MAF: variants seen among roughly 807,000 people sequenced by gnomAD.
MAF encodes the protein MAF bZIP transcription factor, also known as transcription factor Maf.
In MAF, 10 loss-of-function variants were observed where a neutral mutation model predicts 22.0. The observed-to-expected ratio is 0.45, with a 90% confidence interval of 0.28 to 0.77. The LOEUF is 0.77. Ranked by LOEUF, MAF falls within the 30% of genes least tolerant of loss-of-function variation. MAF has a pLI of 0.12. For missense variants in MAF, 544 were observed against 548.4 expected, an observed-to-expected ratio of 0.99 and a Z score of 0.08; for synonymous variants, 337 against 255.8, an observed-to-expected ratio of 1.32 and a Z score of -3.03.
chr16:79,546,406 G>A, the MAF span, among the ~76,000 whole-genome samples: 3 of 152,234 alleles, frequency 2.0e-5, no homozygotes, highest in African/African-American at 7.2e-5. Context: ...ATGAATGAGT[G>A]ACTTGGGCTG....
the MAF span, among the ~76,000 whole-genome samples, chr16:79,462,711 A>G: frequency 6.6e-6 from 1 of 152,128 alleles, no homozygotes; most frequent in Non-Finnish European, 1.5e-5. Context: ...TTAACATTTC[A>G]TTTCCTCTTG....
chr16:79,218,004 A>G, the MAF span, among the ~76,000 whole-genome samples: 3 of 146,110 alleles, frequency 2.1e-5, no homozygotes, highest in South Asian at 6.4e-4. Flanking sequence ...AAAAAAAAAA[A>G]AAAAAAAAAA....
At chr16:79,415,442 G>A in the MAF span, among the ~76,000 whole-genome samples, 1 of 151,900 alleles carries the variant, frequency 6.6e-6, no homozygotes, top group Non-Finnish European at 1.5e-5. Context: ...GGGTGGTTCA[G>A]GACTCTAGCC....
the MAF span, among the ~76,000 whole-genome samples, chr16:79,228,076 T>C: frequency 6.6e-6 from 1 of 152,042 alleles, no homozygotes; most frequent in African/African-American, 2.4e-5. Context: ...GCTAAGTACT[T>C]AGTTTTTGTA....
chr16:79,270,899 A>G, the MAF span, among the ~76,000 whole-genome samples: 2 of 48,692 alleles, frequency 4.1e-5, no homozygotes, highest in African/African-American at 6.1e-5. Flanking sequence ...ACATGGCCAG[A>G]GTTTTTTTTT....
chr16:79,590,159 T>G (rs1275896434), downstream of MAF, among the ~76,000 whole-genome samples: 2 of 151,112 alleles, frequency 1.3e-5, no homozygotes, highest in African/African-American at 4.9e-5. Context: ...GCAGAACCCA[T>G]GCATAAAGGA....
At chr16:79,305,024 A>T in the MAF span, among the ~76,000 whole-genome samples, 1 of 152,216 alleles carries the variant, frequency 6.6e-6, no homozygotes, top group Non-Finnish European at 1.5e-5. Flanking sequence ...GTGGACAATG[A>T]AGGTTCTCAA....
At chr16:79,322,598 G>C in the MAF span, among the ~76,000 whole-genome samples, 2 of 152,230 alleles carry the variant, frequency 1.3e-5, no homozygotes, top group East Asian at 1.9e-4. Flanking sequence ...AGACCTTTCT[G>C]TTTTCTAGAG....
chr16:79,522,270 T>C, the MAF span, among the ~76,000 whole-genome samples: 1 of 152,226 alleles, frequency 6.6e-6, no homozygotes, highest in Admixed American at 6.5e-5. Flanking sequence ...TCCCCTGGGA[T>C]AGAAGCCACA....
the MAF span, among the ~76,000 whole-genome samples, chr16:79,547,085 T>C: frequency 1.3e-5 from 2 of 152,144 alleles, no homozygotes; most frequent in Non-Finnish European, 2.9e-5. Flanking sequence ...AGTTCCTTTC[T>C]GAAATCAGAC....
the MAF span, among the ~76,000 whole-genome samples, chr16:79,547,096 G>C: frequency 1.3e-5 from 2 of 152,068 alleles, no homozygotes; most frequent in South Asian, 4.2e-4. Context: ...GAAATCAGAC[G>C]TATCTAGCAC....
chr16:79,472,942 T>C, the MAF span, among the ~76,000 whole-genome samples: 1 of 152,008 alleles, frequency 6.6e-6, no homozygotes, highest in Non-Finnish European at 1.5e-5. Flanking sequence ...CCCGGTACCA[T>C]ATGGCGCACC....
At chr16:79,462,181 C>T in the MAF span, among the ~76,000 whole-genome samples, 8 of 152,222 alleles carry the variant, frequency 5.3e-5, no homozygotes, top group Non-Finnish European at 1.0e-4. Flanking sequence ...CAATGGCTAA[C>T]CGTTGCTGAT....
At chr16:79,322,596 C>G in the MAF span, among the ~76,000 whole-genome samples, 4 of 152,132 alleles carry the variant, frequency 2.6e-5, no homozygotes, top group African/African-American at 7.2e-5. Flanking sequence ...ACAGACCTTT[C>G]TGTTTTCTAG....
chr16:79,579,746 G>C, the MAF span, among the ~76,000 whole-genome samples: 1 of 152,066 alleles, frequency 6.6e-6, no homozygotes, highest in Admixed American at 6.5e-5. Context: ...TCACACACTA[G>C]GATCTCATCT....
chr16:79,254,757 C>G, the MAF span, among the ~76,000 whole-genome samples: 1 of 152,152 alleles, frequency 6.6e-6, no homozygotes, highest in Non-Finnish European at 1.5e-5. Context: ...CATGCCCTTC[C>G]CTTTGCTTTA....
the MAF span, among the ~76,000 whole-genome samples, chr16:79,454,894 C>T: frequency 3.3e-5 from 5 of 151,902 alleles, no homozygotes; most frequent in South Asian, 2.1e-4. Context: ...GTCGGGAGTT[C>T]GAGACCAGCC....
chr16:79,393,742 G>C, the MAF span, among the ~76,000 whole-genome samples: 1 of 152,176 alleles, frequency 6.6e-6, no homozygotes, highest in Admixed American at 6.5e-5. Flanking sequence ...CTGGGCCTCT[G>C]AACTTGGACA....
At chr16:79,419,460 C>T in the MAF span, among the ~76,000 whole-genome samples, 4 of 152,350 alleles carry the variant, frequency 2.6e-5, no homozygotes, top group Non-Finnish European at 1.5e-5. Context: ...TGTCCTCAGT[C>T]GCCTTACAGT....
Sources: allele counts gnomAD v4.1 joint callset (sites outside exome capture counted in the v4.1 genomes callset), GRCh38; gene constraint gnomAD v4.1.1; transcripts MANE v1.5; gene names NCBI Gene and HGNC (gene_info 2026-07-23, HGNC 2026-07-21).